PRDM16: variants seen among roughly 807,000 people sequenced by gnomAD.
PRDM16 encodes PR/SET domain 16.
A neutral mutation model predicts 110.6 loss-of-function variants in PRDM16; 23 were observed. The observed-to-expected ratio is 0.21, with a 90% CI of 0.15 to 0.29. PRDM16 has a LOEUF of 0.29. Among genes scored for constraint, PRDM16 ranks in the 10% least tolerant of loss-of-function variants. The pLI, the probability that PRDM16 is intolerant of heterozygous loss-of-function variation, is 1.00. For missense variants in PRDM16, 1,615 were observed against 1,794.3 expected (o/e 0.90, Z 1.81); for synonymous variants, 799 against 781.8 (o/e 1.02, Z -0.37).
Position 3,350,630 on chromosome 1 carries a change from C to T in PRDM16, c.439-34522C>T, listed in dbSNP as rs1642463586. Among the ~76,000 whole-genome samples the T allele has an allele frequency of 6.6e-6, 1 of 152,078 alleles. No individual in the cohort carries two copies. Among genetic ancestry groups the T allele is most frequent in the African/African-American group, 2.4e-5 (1 of 41,436 alleles). ...GGGAGCCAGCCCTGCCCGGCCAGGG[C>T]TCGGGCACAGCTTGGCTCCATGCAG... On this transcript the variant is annotated intron_variant, in intron 3 of 16. Coordinates refer to ENST00000270722, the MANE Select transcript of PRDM16 (RefSeq NM_022114.4). The surrounding 1 kb of genome is among the most constrained non-coding windows in gnomAD (Gnocchi z 7.1).
chr1:3,192,294 G>A (rs1378093441), intron 2 of PRDM16, among the ~76,000 whole-genome samples: 1 of 152,204 alleles, frequency 6.6e-6, no homozygotes, highest in African/African-American at 2.4e-5. Flanking sequence ...GGGCATGCGG[G>A]TTGGGTGCCT....
At chr1:3,101,449 C>T (rs777533139) in intron 1 of PRDM16, among the ~76,000 whole-genome samples, 24 of 152,234 alleles carry the variant, frequency 1.6e-4, no homozygotes, top group Non-Finnish European at 2.9e-4. Context: ...AATGGGCAGC[C>T]GCACCACCAG....
At chr1:3,193,891 C>A (rs369810039) in intron 2 of PRDM16, among the ~76,000 whole-genome samples, 1 of 152,154 alleles carries the variant, frequency 6.6e-6, no homozygotes, top group South Asian at 2.1e-4. Flanking sequence ...AGGTGTCAGG[C>A]CTGCCTTGGA....
intron 1 of PRDM16, among the ~76,000 whole-genome samples, chr1:3,101,420 A>G (rs1264220405): frequency 6.6e-6 from 1 of 152,214 alleles, no homozygotes; most frequent in African/African-American, 2.4e-5. Flanking sequence ...TCGTTTTCTA[A>G]AGGGGCTTAT....
At chr1:3,180,234 A>G (rs541729397) in intron 1 of PRDM16, among the ~76,000 whole-genome samples, 1 of 150,934 alleles carries the variant, frequency 6.6e-6, no homozygotes, top group East Asian at 1.9e-4. Context: ...CCAGGCCAAG[A>G]CAAGGTATCT....
rs1454771731 is a variant in PRDM16 at position 3,396,368 on chromosome 1, A to G, written c.574-123A>G. On this transcript the variant is annotated intron_variant, in intron 4 of 16. Coordinates refer to ENST00000270722, the MANE Select transcript of PRDM16 (RefSeq NM_022114.4). ...TCCATAGTGGACCCTCTTGGTGGCAATTAGAGGAAAATCAAGTGCAGGCCG... is the reference window on the plus strand; with the variant it reads ...TCCATAGTGGACCCTCTTGGTGGCAGTTAGAGGAAAATCAAGTGCAGGCCG... The G allele has an allele frequency of 7.0e-6, 5 of 714,308 alleles. No individual in the cohort carries two copies. In the East Asian group the frequency reaches 1.4e-4, roughly 19 times the overall value. The allele number at this position is 714,308 out of a possible 1,614,324, so 44.2% of individuals were successfully genotyped here. A position where few individuals can be genotyped will look rare whatever the true frequency, so the allele number is the denominator to read the frequency against.
intron 3 of PRDM16, among the ~76,000 whole-genome samples, chr1:3,273,759 A>G (rs1640516494): frequency 6.6e-6 from 1 of 151,406 alleles, no homozygotes; most frequent in Admixed American, 6.6e-5. Flanking sequence ...TGGGGGTTGC[A>G]TATATAAGGG....
chr1:3,153,499 CG>C (rs2100727887), intron 1 of PRDM16, among the ~76,000 whole-genome samples: 1 of 152,300 alleles, frequency 6.6e-6, no homozygotes, highest in East Asian at 1.9e-4. Flanking sequence ...TGGACCAGAG[CG>C]GGGCTCCCCT....
chr1:3,328,593 G>A (rs1433036820), intron 3 of PRDM16, among the ~76,000 whole-genome samples: 2 of 152,128 alleles, frequency 1.3e-5, no homozygotes, highest in South Asian at 2.1e-4. Flanking sequence ...CAGTGGATGC[G>A]GCTCCCATCA....
At chr1:3,200,354 A>G (rs1569831672) in intron 2 of PRDM16, among the ~76,000 whole-genome samples, 1 of 151,024 alleles carries the variant, frequency 6.6e-6, no homozygotes, top group African/African-American at 2.4e-5. Flanking sequence ...TTTATTTTTT[A>G]TTTTTTGAGA....
chr1:3,110,118 G>A (rs1056147187), intron 1 of PRDM16, among the ~76,000 whole-genome samples: 1 of 149,716 alleles, frequency 6.7e-6, no homozygotes, highest in African/African-American at 2.5e-5. Flanking sequence ...CCCATGTCCT[G>A]GGTGTGGGGA....
At chr1:3,423,898 C>T (rs1024384793) in intron 12 of PRDM16, among the ~76,000 whole-genome samples, 2 of 152,262 alleles carry the variant, frequency 1.3e-5, no homozygotes, top group East Asian at 3.8e-4. Context: ...ATCATATAAA[C>T]AGAATGTTCA....
Position 3,412,399 on chromosome 1 carries a change from C to T in PRDM16, c.2202C>T (p.Pro734=), listed in dbSNP as rs763365839. Residue 734 remains proline, a synonymous_variant, in exon 9 of 17, where the codon CCC becomes CCT. Coordinates refer to ENST00000270722, the MANE Select transcript of PRDM16 (RefSeq NM_022114.4). The part of the protein sequence containing the change: ...AFPFQFLPNF[P]HSLYPFTDRA... ...CCTTCCAGTTCCTGCCCAACTTCCC[C>T]CACTCCCTTTACCCCTTCACGGACC... 1 of 1,613,354 alleles carries T rather than the reference C, an allele frequency of 6.2e-7. No homozygotes were observed. The highest frequency in any genetic ancestry group is 8.5e-7 in the Non-Finnish European group (1 of 1,179,976).
chr1:3,218,349 G>C (rs551233720), intron 2 of PRDM16, among the ~76,000 whole-genome samples: 2 of 152,364 alleles, frequency 1.3e-5, no homozygotes, highest in East Asian at 1.9e-4. Flanking sequence ...ATCGGAGAAG[G>C]GGGGAGGGCA....
At chr1:3,418,914 C>T (rs984430821) in intron 12 of PRDM16, among the ~76,000 whole-genome samples, 170 bp downstream of exon 12, 1 of 152,142 alleles carries the variant, frequency 6.6e-6, no homozygotes, top group Non-Finnish European at 1.5e-5. Flanking sequence ...CTCCTGGCCT[C>T]AGCAGGATGT....
Position 3,343,549 on chromosome 1 carries a change from C to T in PRDM16, c.439-41603C>T, listed in dbSNP as rs538980575. 2.6e-5 allele frequency among the ~76,000 whole-genome samples: 4 copies of T among 151,624 alleles called. No homozygotes were observed. In the East Asian group the frequency reaches 5.8e-4, roughly 22 times the overall value. The stretch of plus-strand genomic sequence containing the variant: ...CTTTACTTCCTAGCTCTTCTCTCCT[C>T]CTGGGACTCCAGTTACATATGTATC... On this transcript the variant is annotated intron_variant, in intron 3 of 16. Transcript: ENST00000270722.
At position 3,416,514 on chromosome 1, in the gene PRDM16, C is replaced by T. The variant is rs145990553; in HGVS notation, c.2692-1314C>T. ...TCACCTGCCCTTCTCCTCACCCCCA[C>T]ACCCATTCCGTGGAGGCTGGGTGCC... On this transcript the variant is annotated intron_variant, in intron 10 of 16. Coordinates refer to ENST00000270722, the MANE Select transcript of PRDM16 (RefSeq NM_022114.4). 4.6e-3 allele frequency among the ~76,000 whole-genome samples: 695 copies of T among 152,324 alleles called. 8 individuals are homozygous for T. Among genetic ancestry groups the T allele is most frequent in the African/African-American group, 0.016 (674 of 41,572 alleles).
At chr1:3,109,083 A>AAAT (rs61356047) in intron 1 of PRDM16, among the ~76,000 whole-genome samples, 5,755 of 145,328 alleles carry the variant, frequency 0.04, 217 homozygotes, top group African/African-American at 0.096. Context: ...CTCCATCTCA[A>AAAT]AATAATAATA....
At chr1:3,261,242 A>C (rs1220627116) in intron 3 of PRDM16, among the ~76,000 whole-genome samples, 1 of 152,148 alleles carries the variant, frequency 6.6e-6, no homozygotes, top group African/African-American at 2.4e-5. Flanking sequence ...GTGAATAAGA[A>C]ATACAGGACT....
Sources: allele counts gnomAD v4.1 joint callset (sites outside exome capture counted in the v4.1 genomes callset), GRCh38; gene constraint gnomAD v4.1.1; non-coding constraint Gnocchi (gnomAD v3.1); transcripts MANE v1.5; gene names NCBI Gene and HGNC (gene_info 2026-07-23, HGNC 2026-07-21).